MYRIP: variants seen among roughly 807,000 people sequenced by gnomAD.
MYRIP encodes the protein rab effector MyRIP.
A neutral mutation model predicts 98.0 loss-of-function variants in MYRIP; 49 were observed. That is an observed-to-expected ratio of 0.50 (90% CI 0.40 to 0.63). The LOEUF is 0.63. MYRIP is among the 30% of genes least tolerant of loss of function. The pLI is 0.00. For synonymous variants in MYRIP, 404 were observed against 409.5 expected, an observed-to-expected ratio of 0.99 and a Z score of 0.16; for missense variants, 1,004 against 1,058.2, an observed-to-expected ratio of 0.95 and a Z score of 0.71.
chr3:40,186,979 C>G (rs565815695), intron 9 of MYRIP, among the ~76,000 whole-genome samples: 1 of 152,306 alleles, frequency 6.6e-6, no homozygotes, highest in Non-Finnish European at 1.5e-5. Context: ...TGCTAGCAAG[C>G]CACTCTTCTG....
chr3:39,998,443 A>G (rs1422173276), intron 2 of MYRIP, among the ~76,000 whole-genome samples: 1 of 152,228 alleles, frequency 6.6e-6, no homozygotes, highest in African/African-American at 2.4e-5. Context: ...TTCAAAGACA[A>G]TAAAATACCT....
At chr3:40,098,941 A>G in intron 3 of MYRIP, among the ~76,000 whole-genome samples, 1 of 151,178 alleles carries the variant, frequency 6.6e-6, no homozygotes, top group African/African-American at 2.5e-5. Flanking sequence ...GTGTGTGTGT[A>G]CATTTGATTA....
Position 40,183,927 on chromosome 3 carries a change from A to G in MYRIP, c.1027+1554A>G, listed in dbSNP as rs949202571. 2.6e-5 allele frequency among the ~76,000 whole-genome samples: 4 copies of G among 152,264 alleles called. No individual in the cohort carries two copies. The East Asian group carries it at 7.7e-4, about 29-fold the overall frequency. ...TTGTTACGACAGTGCAAAGAATCAGAAAACATTAAATATTTTTAACTGTCA... is the reference window on the plus strand; with the variant it reads ...TTGTTACGACAGTGCAAAGAATCAGGAAACATTAAATATTTTTAACTGTCA... On this transcript the variant is annotated intron_variant, in intron 9 of 16. Transcript: ENST00000302541.
intron 11 of MYRIP, among the ~76,000 whole-genome samples, chr3:40,215,589 T>C (rs941428403): frequency 1.7e-4 from 26 of 152,162 alleles, no homozygotes; most frequent in African/African-American, 6.3e-4. Flanking sequence ...TCAAGTTTAA[T>C]GTGCTTGTGA....
intron 3 of MYRIP, chr3:40,071,129 CA>C: frequency 1.0e-6 from 1 of 985,334 alleles, no homozygotes; most frequent in Non-Finnish European, 1.2e-6. Flanking sequence ...TTGATGTCCT[CA>C]ACTGCAGTAG....
intron 1 of MYRIP, among the ~76,000 whole-genome samples, chr3:39,867,021 C>T (rs1017303975): frequency 6.6e-6 from 1 of 152,000 alleles, no homozygotes. Context: ...AGAGATAAAC[C>T]CATGCATATA....
chr3:40,079,574 G>A (rs779927011), intron 3 of MYRIP, among the ~76,000 whole-genome samples: 1 of 152,164 alleles, frequency 6.6e-6, no homozygotes, highest in African/African-American at 2.4e-5. Context: ...ACTTTTCCTC[G>A]TTGTACACAA....
chr3:40,103,735 G>A (rs1455925420), intron 3 of MYRIP, among the ~76,000 whole-genome samples: 1 of 152,030 alleles, frequency 6.6e-6, no homozygotes, highest in African/African-American at 2.4e-5. Flanking sequence ...CTCCAGCCTG[G>A]GCAACAAGAG....
chr3:40,026,230 G>A (rs1297188696), intron 2 of MYRIP, among the ~76,000 whole-genome samples: 5 of 152,184 alleles, frequency 3.3e-5, no homozygotes, highest in African/African-American at 9.6e-5. Flanking sequence ...CTACTTGCAC[G>A]TCTGTTTGTA....
At chr3:40,182,413 CA>C (rs1027821360) in intron 9 of MYRIP, 40 bp downstream of exon 9, 6 of 1,585,108 alleles carry the variant, frequency 3.8e-6, no homozygotes, top group African/African-American at 1.4e-5. Flanking sequence ...CTGTGGGTTT[CA>C]AAAGTGTGGT....
intron 2 of MYRIP, among the ~76,000 whole-genome samples, chr3:39,919,921 T>C (rs1944270861): frequency 6.6e-6 from 1 of 152,110 alleles, no homozygotes. Context: ...CTAGTTTGTT[T>C]TGTAGCTAGA....
At chr3:39,904,602 G>C (rs951464710) in intron 2 of MYRIP, among the ~76,000 whole-genome samples, 11 of 152,084 alleles carry the variant, frequency 7.2e-5, no homozygotes, top group Non-Finnish European at 1.6e-4. Context: ...CATATGGAAG[G>C]GGCAATGTGA....
intron 1 of MYRIP, among the ~76,000 whole-genome samples, chr3:39,813,116 G>A (rs1391970544): frequency 6.6e-6 from 1 of 152,174 alleles, no homozygotes; most frequent in Non-Finnish European, 1.5e-5. Context: ...TCTCTTCAGA[G>A]GTTTGAAGGA....
At chr3:39,927,178 A>G (rs1351533332) in intron 2 of MYRIP, among the ~76,000 whole-genome samples, 2 of 152,110 alleles carry the variant, frequency 1.3e-5, no homozygotes, top group Admixed American at 6.6e-5. Flanking sequence ...TTGATTTTGT[A>G]TCCTGAAACT....
At chr3:39,947,484 A>G (rs1944929533) in intron 2 of MYRIP, among the ~76,000 whole-genome samples, 1 of 152,196 alleles carries the variant, frequency 6.6e-6, no homozygotes, top group Non-Finnish European at 1.5e-5. Flanking sequence ...ATTTTAGAAC[A>G]TTGAGGAGAT....
At chr3:40,161,251 T>A (rs1271429904) in intron 4 of MYRIP, among the ~76,000 whole-genome samples, 1 of 152,192 alleles carries the variant, frequency 6.6e-6, no homozygotes, top group Non-Finnish European at 1.5e-5. Flanking sequence ...TCATACTAAA[T>A]GACACCAATG....
intron 1 of MYRIP, among the ~76,000 whole-genome samples, chr3:39,865,977 G>A (rs541518836): frequency 6.8e-4 from 103 of 152,254 alleles, no homozygotes; most frequent in African/African-American, 2.3e-3. Flanking sequence ...TATACACCAT[G>A]GAATACTATG....
intron 1 of MYRIP, among the ~76,000 whole-genome samples, chr3:39,819,798 A>C (rs1941049672): frequency 6.6e-6 from 1 of 152,228 alleles, no homozygotes; most frequent in Non-Finnish European, 1.5e-5. Context: ...TGAATTCTGC[A>C]TTTCTGCAGG....
intron 7 of MYRIP, among the ~76,000 whole-genome samples, chr3:40,168,080 T>C (rs908491112): frequency 6.6e-6 from 1 of 152,216 alleles, no homozygotes; most frequent in Non-Finnish European, 1.5e-5. Context: ...AGCCCTCTAA[T>C]CATGTACTGT....
Sources: allele counts gnomAD v4.1 joint callset (sites outside exome capture counted in the v4.1 genomes callset), GRCh38; gene constraint gnomAD v4.1.1; transcripts MANE v1.5; gene names NCBI Gene and HGNC (gene_info 2026-07-23, HGNC 2026-07-21).